Variants in MGLL observed in about 807,000 individuals in gnomAD.
MGLL encodes the protein monoglyceride lipase.
In MGLL, 7 loss-of-function variants were observed where a neutral mutation model predicts 29.1. That is an observed-to-expected ratio of 0.24 (90% CI 0.14 to 0.45). The LOEUF is 0.45. Among genes scored for constraint, MGLL ranks in the 20% least tolerant of loss-of-function variants. MGLL has a pLI of 0.99. For synonymous variants in MGLL, 148 were observed against 168.3 expected (o/e 0.88, Z 0.93); for missense variants, 356 against 413.6 (o/e 0.86, Z 1.21).
chr3:127,781,903 G>A lies in MGLL; in HGVS notation c.156-8C>T, dbSNP rs1010731321. The A allele has an allele frequency of 6.2e-7, 1 of 1,613,586 alleles. No individual in the cohort carries two copies. The highest frequency in any genetic ancestry group is 8.5e-7 in the Non-Finnish European group (1 of 1,179,654). ...GACACAAAGATGAGGGCCCTGCAGA[G>A]ACAAGAAGGGAGCCTGGTTAGGAAA... is the stretch of plus-strand genomic sequence containing the variant. On this transcript the variant is annotated splice_polypyrimidine_tract_variant and splice_region_variant and intron_variant, in intron 2 of 7. Transcript: ENST00000265052.
chr3:127,703,130 CAG>C (rs2075530936), intron 6 of MGLL, among the ~76,000 whole-genome samples: 1 of 152,218 alleles, frequency 6.6e-6, no homozygotes, highest in African/African-American at 2.4e-5. Flanking sequence ...TGCAGGGCTT[CAG>C]AGTCTTCACA....
At chr3:127,817,363 C>A (rs1301541715) in intron 2 of MGLL, among the ~76,000 whole-genome samples, 1 of 152,144 alleles carries the variant, frequency 6.6e-6, no homozygotes, top group Non-Finnish European at 1.5e-5. Context: ...TTCAATACAC[C>A]AGTTTTTATC....
chr3:127,729,704 C>T (rs1185988952), intron 3 of MGLL, among the ~76,000 whole-genome samples: 1 of 152,162 alleles, frequency 6.6e-6, no homozygotes, highest in African/African-American at 2.4e-5. Flanking sequence ...CACTCAAGCC[C>T]AGTCTATTTC....
intron 3 of MGLL, among the ~76,000 whole-genome samples, chr3:127,773,462 T>C (rs2076982556): frequency 6.6e-6 from 1 of 152,244 alleles, no homozygotes; most frequent in South Asian, 2.1e-4. Context: ...GAGCACATGC[T>C]GGGTGCTCAG....
At chr3:127,793,074 C>A (rs558275766) in intron 2 of MGLL, among the ~76,000 whole-genome samples, 1 of 152,342 alleles carries the variant, frequency 6.6e-6, no homozygotes, top group Non-Finnish European at 1.5e-5. Flanking sequence ...TTCTCCATTC[C>A]TCCTTGGCTG....
chr3:127,760,709 G>A (rs560523911), intron 3 of MGLL, among the ~76,000 whole-genome samples: 7 of 152,344 alleles, frequency 4.6e-5, no homozygotes, highest in Non-Finnish European at 7.3e-5. Context: ...ATTGGGGGGC[G>A]CTGGTCCAAT....
intron 3 of MGLL, among the ~76,000 whole-genome samples, chr3:127,763,396 T>C (rs547801): frequency 0.95 from 144,178 of 152,332 alleles, 68,387 homozygotes; most frequent in Middle Eastern, 0.98. Context: ...CCAGGTTGGA[T>C]GCAGAAAACA....
In MGLL at chr3:127,762,337, A is replaced by G. The variant is rs182932025; in HGVS notation, c.262+19452T>C. On this transcript the variant is annotated intron_variant, in intron 3 of 7. Transcript: ENST00000265052. ...GGTGGGCCAGCCATTTCCTGGTCACATGCTGTTTGAGCTCCCACTTCAGAA... is the reference window on the plus strand; with the variant it reads ...GGTGGGCCAGCCATTTCCTGGTCACGTGCTGTTTGAGCTCCCACTTCAGAA... Among the ~76,000 whole-genome samples the G allele has an allele frequency of 7.9e-5, 12 of 152,036 alleles. No individual in the cohort carries two copies. In the East Asian group the frequency reaches 2.3e-3, roughly 29 times the overall value.
intron 3 of MGLL, among the ~76,000 whole-genome samples, chr3:127,753,238 C>A (rs896843931): frequency 1.3e-5 from 2 of 152,232 alleles, no homozygotes; most frequent in African/African-American, 4.8e-5. Context: ...CACTCTCCTG[C>A]AACCTGGATG....
chr3:127,692,094 A>ATTTTGTTT lies in MGLL; in HGVS notation c.*103_*104insAAACAAAA. 1 of 706,646 alleles carries ATTTTGTTT rather than the reference A, an allele frequency of 1.4e-6. No individual in the cohort carries two copies. Among genetic ancestry groups the ATTTTGTTT allele is most frequent in the Non-Finnish European group, 2.1e-6 (1 of 474,230 alleles). 43.8% of individuals were successfully genotyped at this position (706,646 alleles called of 1,614,324 possible). ...GTGCTAAGGATTTCTCCAATTTCTG[A>ATTTTGTTT]TTTTTTTTTTTTTTTTTTTTTGGCA... On this transcript the variant is annotated 3_prime_UTR_variant, in exon 8 of 8. Coordinates refer to ENST00000265052, the MANE Select transcript of MGLL (RefSeq NM_007283.7).
Position 127,722,550 on chromosome 3 carries a change from G to A in MGLL, c.279C>T (p.Ser93=), listed in dbSNP as rs754529528. Residue 93 remains serine (S), a synonymous_variant, in exon 4 of 8, where the codon AGC becomes AGT. Transcript: ENST00000265052. The part of the protein sequence containing the change: ...FAHDHVGHGQ[S]EGERMVVSDF... ...CAGACACTACCATCCTCTCCCCTTC[G>A]CTCTGTCCGTGGCCAACTGGAAAGG... 7.4e-6 allele frequency: 12 copies of A among 1,614,048 alleles called. No homozygotes were observed. Among genetic ancestry groups the A allele is most frequent in the South Asian group, 3.3e-5 (3 of 91,082 alleles).
chr3:127,758,827 A>G (rs1290892471), intron 3 of MGLL, among the ~76,000 whole-genome samples: 1 of 152,176 alleles, frequency 6.6e-6, no homozygotes, highest in East Asian at 1.9e-4. Context: ...GCAAAAGTGC[A>G]CTGGCTGTAA....
In MGLL at chr3:127,695,112, C is replaced by T. The variant is rs751040089; in HGVS notation, c.679G>A (p.Val227Ile). The T allele has an allele frequency of 2.0e-5, 33 of 1,614,076 alleles. No homozygotes were observed. The highest frequency in any genetic ancestry group is 8.9e-5 in the East Asian group (4 of 44,892). ...GGGAGGGCGCGCTCCACCCGTGAGA[C>T]GGCATTCAGCAGTTGGATGCCGAAG... ...VCFGIQLLNA[V>I]SRVERALPKL... is the part of the protein sequence containing the mutation. The change falls in exon 7 of 8, where the codon GTC becomes ATC. Residue 227 changes from valine to isoleucine, a missense_variant. Coordinates refer to ENST00000265052, the MANE Select transcript of MGLL (RefSeq NM_007283.7).
At chr3:127,781,711 G>T in intron 3 of MGLL, 78 bp downstream of exon 3, 1 of 1,218,500 alleles carries the variant, frequency 8.2e-7, no homozygotes, top group Non-Finnish European at 1.2e-6. Flanking sequence ...AAGGATGCTG[G>T]CAGTGAGATG....
At chr3:127,804,439 C>A (rs116020442) in intron 2 of MGLL, among the ~76,000 whole-genome samples, 1,756 of 152,356 alleles carry the variant, frequency 0.012, 12 homozygotes, top group Non-Finnish European at 0.018. Context: ...GAGTAGGACT[C>A]CCCACTCCTG....
chr3:127,806,519 T>A (rs2077568919), intron 2 of MGLL, among the ~76,000 whole-genome samples: 1 of 151,242 alleles, frequency 6.6e-6, no homozygotes, highest in Admixed American at 6.6e-5. Context: ...AATGAATGGA[T>A]GGATGGATGG....
At chr3:127,732,383 G>T (rs923451832) in intron 3 of MGLL, among the ~76,000 whole-genome samples, 3 of 152,188 alleles carry the variant, frequency 2.0e-5, no homozygotes, top group Non-Finnish European at 4.4e-5. Context: ...TCAGCCCCCA[G>T]TAGGTGAGCC....
intron 3 of MGLL, among the ~76,000 whole-genome samples, chr3:127,733,575 G>A (rs57375173): frequency 0.11 from 16,843 of 152,204 alleles, 1,062 homozygotes; most frequent in African/African-American, 0.17. Flanking sequence ...GAGGAGAGGT[G>A]TCACTGTCTT....
chr3:127,781,851 C>A lies in MGLL; in HGVS notation c.200G>T (p.Arg67Leu). ...CAGCATCCGAGCCAGCTCTTCATAG[C>A]GGCCACTGTGCTCTCCGGCTCCATG... is the stretch of plus-strand genomic sequence containing the variant. ...VSHGAGEHSG[R>L]YEELARMLMG... The change falls in exon 3 of 8, where the codon CGC (arginine) becomes CTC (leucine). Residue 67 changes from arginine to leucine, a missense_variant. Transcript: ENST00000265052. The A allele has an allele frequency of 6.2e-7, 1 of 1,614,092 alleles. No individual in the cohort carries two copies. Among genetic ancestry groups the A allele is most frequent in the Non-Finnish European group, 8.5e-7 (1 of 1,180,010 alleles).
Sources: allele counts gnomAD v4.1 joint callset (sites outside exome capture counted in the v4.1 genomes callset), GRCh38; gene constraint gnomAD v4.1.1; transcripts MANE v1.5; gene names NCBI Gene and HGNC (gene_info 2026-07-23, HGNC 2026-07-21).